The following RNF145 variants were observed in gnomAD, a reference collection of about 807,000 sequenced individuals.
The protein encoded by RNF145 is ring finger protein 145.
Under a neutral mutation model 57.3 loss-of-function variants are expected in RNF145, and 12 were observed. The ratio of observed to expected loss-of-function variants is 0.21; its 90% CI spans 0.13 to 0.34. RNF145 has a LOEUF of 0.34. Among genes scored for constraint, RNF145 ranks in the 10% least tolerant of loss-of-function variants. The probability of loss-of-function intolerance (pLI) is 1.00; values close to 1 mark genes in which losing one functional copy is unlikely to be tolerated. For synonymous variants in RNF145, 262 were observed against 288.3 expected, an observed-to-expected ratio of 0.91 and a Z score of 0.92; for missense variants, 429 against 799.0, an observed-to-expected ratio of 0.54 and a Z score of 5.58.
chr5:159,175,610 T>C (rs1291846095), intron 5 of RNF145, among the ~76,000 whole-genome samples: 4 of 152,188 alleles, frequency 2.6e-5, no homozygotes, highest in African/African-American at 4.8e-5. Context: ...CCTGCCCTGC[T>C]TCCCCATGAA....
intron 9 of RNF145, among the ~76,000 whole-genome samples, chr5:159,162,527 C>T (rs977224055): frequency 2.6e-4 from 40 of 151,100 alleles, no homozygotes; most frequent in African/African-American, 9.2e-4. Flanking sequence ...CTCCGCTTCC[C>T]GGGTTTACGC....
At chr5:159,204,110 C>T (rs1179787086) in intron 1 of RNF145, among the ~76,000 whole-genome samples, 1 of 152,238 alleles carries the variant, frequency 6.6e-6, no homozygotes, top group South Asian at 2.1e-4. Context: ...TAGTTTGCAG[C>T]ATCTTGTACT....
intron 2 of RNF145, among the ~76,000 whole-genome samples, chr5:159,201,669 T>C (rs971060341): frequency 2.6e-5 from 4 of 152,110 alleles, no homozygotes; most frequent in African/African-American, 9.7e-5. Context: ...AAAACCATGA[T>C]TCAAAACCAT....
intron 3 of RNF145, among the ~76,000 whole-genome samples, chr5:159,184,580 T>C (rs1182577043): frequency 6.6e-6 from 1 of 152,176 alleles, no homozygotes; most frequent in Non-Finnish European, 1.5e-5. Flanking sequence ...TATTGATACA[T>C]AAAAAGATTT....
chr5:159,182,195 C>T, intron 3 of RNF145, 144 bp from the exon 4 acceptor site: 1 of 452,632 alleles, frequency 2.2e-6, no homozygotes, highest in East Asian at 3.3e-5. Context: ...ATATAAATGG[C>T]CTTCATCTCT....
rs1785741752 is a variant in RNF145, at chr5:159,203,438, A to G, written c.180T>C (p.Tyr60=). The part of the protein sequence containing the change: ...QYKYLALNMH[Y]VGYILSVVLL... ...AAATGTGATGTAGACACTCACCTAC[A>G]TAATGCATATTAAGAGCCAAATACT... The change falls in exon 2 of 11, where the codon TAT becomes TAC. Residue 60 remains tyrosine, a synonymous_variant. Transcript: ENST00000424310. 3.1e-6 allele frequency: 5 copies of G among 1,594,730 alleles called. No individual in the cohort carries two copies. Among genetic ancestry groups the G allele is most frequent in the South Asian group, 1.1e-5 (1 of 90,668 alleles).
chr5:159,182,411 T>C (rs1269232471), intron 3 of RNF145, among the ~76,000 whole-genome samples: 1 of 151,966 alleles, frequency 6.6e-6, no homozygotes, highest in Admixed American at 6.6e-5. Flanking sequence ...ACACTAAACA[T>C]CTCTTTTGGC....
intron 3 of RNF145, among the ~76,000 whole-genome samples, chr5:159,184,112 G>T (rs1258001137): frequency 6.6e-6 from 1 of 152,166 alleles, no homozygotes; most frequent in African/African-American, 2.4e-5. Context: ...AAAGACAGAA[G>T]AATTGAGGTC....
chr5:159,203,624 T>C lies in RNF145; in HGVS notation c.-7A>G, dbSNP rs774313803. The C allele has an allele frequency of 2.5e-6, 4 of 1,594,568 alleles. No individual in the cohort carries two copies. Among genetic ancestry groups the C allele is most frequent in the Non-Finnish European group, 2.6e-6 (3 of 1,174,590 alleles). ...GTTTCTCCTTTGCAGCCATGTTGTT[T>C]TTTTTTTTCTTTTTTTTTTTCTTGG... On this transcript the variant is annotated 5_prime_UTR_variant, in exon 2 of 11. Transcript: ENST00000424310.
chr5:159,209,322 T>C lies in RNF145; in HGVS notation c.-131A>G. On this transcript the variant is annotated 5_prime_UTR_variant, in exon 1 of 11. Coordinates refer to ENST00000424310, the MANE Select transcript of RNF145 (RefSeq NM_001199383.2). ...TCTCTCGCCCGCCCTCCCGTTCTCCTCGGGCGGCGGCGGGGGCCGGTACGG... is the reference window on the plus strand; with the variant it reads ...TCTCTCGCCCGCCCTCCCGTTCTCCCCGGGCGGCGGCGGGGGCCGGTACGG... 1.0e-6 allele frequency: 1 copy of C among 985,500 alleles called. No homozygotes were observed. The highest frequency in any genetic ancestry group is 1.2e-6 in the Non-Finnish European group (1 of 829,902). 61.0% of individuals were successfully genotyped at this position (985,500 alleles called of 1,614,324 possible).
intron 3 of RNF145, 79 bp downstream of exon 3, chr5:159,194,637 T>G (rs997247026): frequency 2.2e-6 from 2 of 900,042 alleles, no homozygotes; most frequent in African/African-American, 3.3e-5. Flanking sequence ...TACTTAACAG[T>G]GTTCATGAAA....
At chr5:159,200,667 G>A (rs964408539) in intron 2 of RNF145, among the ~76,000 whole-genome samples, 2 of 152,066 alleles carry the variant, frequency 1.3e-5, no homozygotes, top group African/African-American at 4.8e-5. Flanking sequence ...CCTTCTAAAT[G>A]TCAAAAAATC....
At chr5:159,189,936 GC>G (rs1286672111) in intron 3 of RNF145, among the ~76,000 whole-genome samples, 2 of 152,188 alleles carry the variant, frequency 1.3e-5, no homozygotes, top group African/African-American at 4.8e-5. Flanking sequence ...GACAATGATT[GC>G]TAATGGGTAT....
intron 3 of RNF145, among the ~76,000 whole-genome samples, chr5:159,192,867 G>T (rs555811796): frequency 1.3e-5 from 2 of 152,338 alleles, no homozygotes; most frequent in East Asian, 3.9e-4. Context: ...AAATAGAACA[G>T]TTACTCCAGA....
rs757439520 is a variant in RNF145, at chr5:159,194,830, C to A, written c.185-6G>T. On this transcript the variant is annotated splice_polypyrimidine_tract_variant and splice_region_variant and intron_variant, in intron 2 of 10. Coordinates refer to ENST00000424310, the MANE Select transcript of RNF145 (RefSeq NM_001199383.2). ...CACCACACTTAAGATATAACCTGTACCAGAAAGATAAATAAAATACAATTT... is the reference window on the plus strand; with the variant it reads ...CACCACACTTAAGATATAACCTGTAACAGAAAGATAAATAAAATACAATTT... 2.6e-6 allele frequency: 4 copies of A among 1,548,548 alleles called. No individual in the cohort carries two copies. The highest frequency in any genetic ancestry group is 3.5e-6 in the Non-Finnish European group (4 of 1,134,552).
chr5:159,190,240 C>A (rs1785241665), intron 3 of RNF145, among the ~76,000 whole-genome samples: 1 of 152,082 alleles, frequency 6.6e-6, no homozygotes, highest in South Asian at 2.1e-4. Flanking sequence ...CACCATGTTG[C>A]CCAGGCTGGT....
At chr5:159,176,948 A>G in intron 4 of RNF145, 81 bp from the exon 5 acceptor site, 6 of 764,684 alleles carry the variant, frequency 7.8e-6, no homozygotes, top group Non-Finnish European at 1.1e-5. Context: ...ACTGTTGATA[A>G]GGATAATAAC....
At chr5:159,172,700 G>A (rs989796082) in intron 6 of RNF145, among the ~76,000 whole-genome samples, 1 of 152,060 alleles carries the variant, frequency 6.6e-6, no homozygotes, top group Non-Finnish European at 1.5e-5. Flanking sequence ...CTTAAAACAG[G>A]TTTTTGTCCT....
Position 159,158,943 on chromosome 5 carries a change from C to T in RNF145, c.1719G>A (p.Leu573=). ...AGGAGTTTTTCAGATGGCAGTGGCA[C>T]AGAGGGCAGGTCTCCTGGACATACA... The part of the protein sequence containing the change: ...KWLYVQETCP[L]CHCHLKNSSQ... Residue 573 remains leucine, a synonymous_variant, in exon 11 of 11, where the codon CTG becomes CTA. Coordinates refer to ENST00000424310, the MANE Select transcript of RNF145 (RefSeq NM_001199383.2). 1.2e-6 allele frequency: 2 copies of T among 1,613,910 alleles called. No homozygotes were observed. Among genetic ancestry groups the T allele is most frequent in the Middle Eastern group, 1.7e-4 (1 of 6,056 alleles).
Sources: gnomAD v4.1 joint callset for allele counts (sites outside exome capture counted in the v4.1 genomes callset) on GRCh38, gnomAD v4.1.1 for gene constraint, MANE v1.5 for transcripts, NCBI Gene and HGNC (gene_info 2026-07-23, HGNC 2026-07-21) for gene names.